RAB27A: variants seen among roughly 807,000 people sequenced by gnomAD.
RAB27A encodes the protein RAB27A, member RAS oncogene family.
RAB27A carries 17 observed loss-of-function variants against 20.8 expected under a neutral mutation model. The ratio of observed to expected loss-of-function variants is 0.82; its 90% CI spans 0.56 to 1.23. The LOEUF (loss-of-function observed/expected upper bound fraction) is 1.23, where lower values mean the gene tolerates loss of function less well. RAB27A is among the 50% of genes most tolerant of loss of function. RAB27A has a pLI of 0.00. For synonymous variants in RAB27A, 85 were observed against 92.8 expected, an observed-to-expected ratio of 0.92 and a Z score of 0.48; for missense variants, 277 against 266.7, an observed-to-expected ratio of 1.04 and a Z score of -0.27.
intron 2 of RAB27A, among the ~76,000 whole-genome samples, chr15:55,298,520 G>A (rs533179357): frequency 6.6e-6 from 1 of 152,280 alleles, no homozygotes; most frequent in Admixed American, 6.5e-5. Flanking sequence ...GGCAAGTGGA[G>A]GCAGGGCGAG....
At chr15:55,287,922 C>T (rs987518583) in intron 1 of RAB27A, among the ~76,000 whole-genome samples, 1 of 152,098 alleles carries the variant, frequency 6.6e-6, no homozygotes, top group Admixed American at 6.5e-5. Context: ...TGGAATAGAA[C>T]TGACAGTCCA....
chr15:55,267,800 C>T (rs146925709), intron 2 of RAB27A, among the ~76,000 whole-genome samples: 303 of 152,208 alleles, frequency 2.0e-3, no homozygotes, highest in Middle Eastern at 3.4e-3. Context: ...ACTCAGGTAC[C>T]GAGGGTCCAG....
chr15:55,294,294 G>T (rs1012254671), upstream of RAB27A, among the ~76,000 whole-genome samples: 3 of 151,860 alleles, frequency 2.0e-5, no homozygotes, highest in Admixed American at 6.6e-5. Flanking sequence ...ACATGCAAAA[G>T]AATGAAACTG....
intron 2 of RAB27A, among the ~76,000 whole-genome samples, chr15:55,311,108 G>C (rs2055018651): frequency 6.6e-6 from 1 of 152,120 alleles, no homozygotes; most frequent in Admixed American, 6.6e-5. Context: ...TTCCTCTGTT[G>C]TCACCCTATC....
chr15:55,215,296 A>C (rs1895227160), intron 6 of RAB27A, among the ~76,000 whole-genome samples: 1 of 152,220 alleles, frequency 6.6e-6, no homozygotes, highest in Non-Finnish European at 1.5e-5. Flanking sequence ...AAACATAGTG[A>C]AAGTACTTTG....
At chr15:55,280,410 A>C (rs1897984229) in intron 1 of RAB27A, among the ~76,000 whole-genome samples, 1 of 151,948 alleles carries the variant, frequency 6.6e-6, no homozygotes, top group South Asian at 2.1e-4. Context: ...TTAAAATAAA[A>C]CATAGATTCC....
At chr15:55,208,067 T>C (rs576636835) in intron 6 of RAB27A, among the ~76,000 whole-genome samples, 11 of 152,234 alleles carry the variant, frequency 7.2e-5, no homozygotes, top group South Asian at 4.1e-4. Context: ...TGGCATCGTC[T>C]AATGGAATAG....
intron 2 of RAB27A, among the ~76,000 whole-genome samples, chr15:55,311,139 A>C (rs1164744589): frequency 1.3e-5 from 2 of 152,176 alleles, no homozygotes; most frequent in Non-Finnish European, 2.9e-5. Flanking sequence ...CTGAGATACC[A>C]GAGATCGCCA....
At chr15:55,206,413 G>A (rs964318617) in intron 6 of RAB27A, 6 of 211,066 alleles carry the variant, frequency 2.8e-5, no homozygotes, top group South Asian at 1.7e-4. Flanking sequence ...GCAGTGGCAC[G>A]ATCTCAGTTC....
rs971657153 is a variant in RAB27A, at chr15:55,251,504, CTTTCT to C, written c.-22-16553_-22-16549del. On this transcript the variant is annotated intron_variant, in intron 2 of 6. Coordinates refer to ENST00000336787, the MANE Select transcript of RAB27A (RefSeq NM_183235.3). Reference sequence around the variant, plus strand: ...TCTGTAACCAGCTACATTGGTGATCCTTTCTTGTATCTAAATGGACACTTTGAGGC... The same window carrying C: ...TCTGTAACCAGCTACATTGGTGATCCTGTATCTAAATGGACACTTTGAGGC... Among the ~76,000 whole-genome samples, 25 of 152,236 alleles carry C rather than the reference CTTTCT, an allele frequency of 1.6e-4. 1 individual carries two copies. In the South Asian group the frequency reaches 1.7e-3, roughly 10 times the overall value.
At chr15:55,303,773 G>T (rs1477318293) in intron 2 of RAB27A, among the ~76,000 whole-genome samples, 1 of 121,466 alleles carries the variant, frequency 8.2e-6, no homozygotes, top group Non-Finnish European at 1.7e-5. Context: ...CAGCCGCCCC[G>T]TCCGGGAGGG....
chr15:55,306,173 TAC>T (rs2141144482), intron 2 of RAB27A, among the ~76,000 whole-genome samples: 1 of 152,340 alleles, frequency 6.6e-6, no homozygotes, highest in Admixed American at 6.5e-5. Context: ...TGCTAAATTT[TAC>T]ACAGGTGAGG....
intron 6 of RAB27A, chr15:55,206,283 T>A (rs902617942): frequency 2.0e-5 from 15 of 750,596 alleles, no homozygotes; most frequent in African/African-American, 7.6e-5. Context: ...CTGTAAAAAA[T>A]TTATAAAAAG....
At chr15:55,220,149 A>G (rs1239452212) in intron 6 of RAB27A, among the ~76,000 whole-genome samples, 1 of 152,168 alleles carries the variant, frequency 6.6e-6, no homozygotes, top group Non-Finnish European at 1.5e-5. Context: ...AGTGTTCTTT[A>G]TTAGGCTTAC....
intron 2 of RAB27A, chr15:55,259,785 A>G (rs1266501307): frequency 1.3e-5 from 2 of 152,202 alleles, no homozygotes; most frequent in African/African-American, 4.8e-5. Context: ...GTGATATGCA[A>G]TAAATGAATG....
At chr15:55,305,528 T>C (rs573706949) in intron 2 of RAB27A, among the ~76,000 whole-genome samples, 1 of 152,300 alleles carries the variant, frequency 6.6e-6, no homozygotes, top group East Asian at 1.9e-4. Flanking sequence ...TTATAGCTGC[T>C]AGAGGTCCCA....
chr15:55,308,773 G>C (rs1295230285), intron 2 of RAB27A, among the ~76,000 whole-genome samples: 1 of 152,198 alleles, frequency 6.6e-6, no homozygotes, highest in African/African-American at 2.4e-5. Context: ...ACAGCCACAA[G>C]TCTCCTTTAG....
intron 2 of RAB27A, among the ~76,000 whole-genome samples, chr15:55,246,242 C>T (rs964948400): frequency 8.6e-5 from 13 of 151,994 alleles, no homozygotes; most frequent in African/African-American, 2.9e-4. Flanking sequence ...GCAGTCATAG[C>T]CCAGAAATCC....
intron 1 of RAB27A, among the ~76,000 whole-genome samples, chr15:55,276,929 C>A (rs1897889968): frequency 6.6e-6 from 1 of 152,068 alleles, no homozygotes; most frequent in African/African-American, 2.4e-5. Context: ...GAATAATTAT[C>A]CCCAAATTCA....
Sources: allele counts gnomAD v4.1 joint callset (sites outside exome capture counted in the v4.1 genomes callset), GRCh38; gene constraint gnomAD v4.1.1; transcripts MANE v1.5; gene names NCBI Gene and HGNC (gene_info 2026-07-23, HGNC 2026-07-21).